Variants in CCL17 observed in about 807,000 individuals in gnomAD.
CCL17 encodes C-C motif chemokine ligand 17.
Under a neutral mutation model 7.4 loss-of-function variants are expected in CCL17, and 8 were observed. That is an observed-to-expected ratio of 1.09 (90% CI 0.64 to 1.96). The LOEUF is 1.96. CCL17 is among the 30% of genes most tolerant of loss of function. CCL17 has a pLI of 0.00. For missense variants in CCL17, 102 were observed against 113.0 expected, an observed-to-expected ratio of 0.90 and a Z score of 0.44; for synonymous variants, 40 against 46.1, an observed-to-expected ratio of 0.87 and a Z score of 0.54.
At chr16:57,397,133 C>A in the CCL17 span, among the ~76,000 whole-genome samples, 1 of 152,242 alleles carries the variant, frequency 6.6e-6, no homozygotes, top group African/African-American at 2.4e-5. Flanking sequence ...AACTGCCAGT[C>A]CTCTCTGGGA....
At chr16:57,405,580 C>A (rs1314758239) in intron 1 of CCL17, among the ~76,000 whole-genome samples, 1 of 152,152 alleles carries the variant, frequency 6.6e-6, no homozygotes, top group African/African-American at 2.4e-5. Context: ...TGCTTCCCAG[C>A]AGCTCACAGG....
rs1372318113 is a variant in CCL17, at chr16:57,415,321, C to CT, written c.188+124dup. ...ACAGCGGGGCCTTCCTCCCCAACCC[C>CT]TGCAGGCTCCCCACACTGTGGGACC... On this transcript the variant is annotated intron_variant, in intron 3 of 3. Coordinates refer to ENST00000219244, the MANE Select transcript of CCL17 (RefSeq NM_002987.3). The surrounding 1 kb of genome is among the most constrained non-coding windows in gnomAD (Gnocchi z 4.5). The CT allele has an allele frequency of 1.0e-5, 7 of 703,204 alleles. No homozygotes were observed. Among genetic ancestry groups the CT allele is most frequent in the Non-Finnish European group, 1.5e-5 (6 of 389,390 alleles). 43.6% of individuals were successfully genotyped at this position (703,204 alleles called of 1,614,324 possible). A position where few individuals can be genotyped will look rare whatever the true frequency, so the allele number is the denominator to read the frequency against.
chr16:57,400,434 G>T (rs1320006269), upstream of CCL17, among the ~76,000 whole-genome samples: 1 of 151,458 alleles, frequency 6.6e-6, no homozygotes, highest in African/African-American at 2.4e-5. Context: ...GAATGAGGGG[G>T]TCTGGTATCT....
Position 57,415,731 on chromosome 16 carries a change from CT to C in CCL17, c.189-33del, listed in dbSNP as rs753023967. ...AGGGACTCTGGGGGCCCTTCCCCCC[CT>C]GCCACTCCTGGTAACGTCCTCCTTC... On this transcript the variant is annotated intron_variant, in intron 3 of 3. Transcript: ENST00000219244. This position sits in a 1 kb window ranked among gnomAD's most constrained non-coding sequence, Gnocchi z 4.5. The C allele has an allele frequency of 6.1e-5, 87 of 1,427,374 alleles. No homozygotes were observed. The East Asian group carries it at 6.1e-4, about 10-fold the overall frequency. 88.4% of individuals were successfully genotyped at this position (1,427,374 alleles called of 1,614,324 possible).
chr16:57,412,473 T>C (rs60083595), intron 1 of CCL17, among the ~76,000 whole-genome samples: 206 of 152,342 alleles, frequency 1.4e-3, no homozygotes, highest in African/African-American at 4.8e-3. Context: ...CCCCAGAATC[T>C]AAAAACAAGA....
upstream of CCL17, among the ~76,000 whole-genome samples, chr16:57,403,658 A>AT (rs1423774043): frequency 7.9e-5 from 7 of 89,036 alleles, 1 homozygote; most frequent in Admixed American, 5.9e-4. Flanking sequence ...TATAATATAT[A>AT]TATATATATA....
At chr16:57,406,700 G>A (rs1902701489) in intron 1 of CCL17, among the ~76,000 whole-genome samples, 2 of 152,114 alleles carry the variant, frequency 1.3e-5, no homozygotes, top group African/African-American at 4.8e-5. Context: ...TGAGCCAGCT[G>A]GAGACTAGGA....
Position 57,408,264 on chromosome 16 carries a change from C to T in CCL17, c.-60+3428C>T, listed in dbSNP as rs1410494143. ...TCCGTCCATTCTTTCATCCACCTTC[C>T]AGCCACTCATCCATTCATCACTCAC... On this transcript the variant is annotated intron_variant, in intron 1 of 3. Coordinates refer to ENST00000219244, the MANE Select transcript of CCL17 (RefSeq NM_002987.3). 2.6e-5 allele frequency among the ~76,000 whole-genome samples: 4 copies of T among 151,928 alleles called. No homozygotes were observed. The East Asian group carries it at 5.8e-4, about 22-fold the overall frequency.
At chr16:57,398,684 C>T in the CCL17 span, among the ~76,000 whole-genome samples, 7 of 152,202 alleles carry the variant, frequency 4.6e-5, no homozygotes, top group African/African-American at 1.2e-4. Flanking sequence ...AAGATTAGGC[C>T]TAGATATTTG....
chr16:57,403,666 A>ATT (rs200655027), upstream of CCL17, among the ~76,000 whole-genome samples: 2,934 of 89,656 alleles, frequency 0.033, 144 homozygotes, highest in African/African-American at 0.057. Flanking sequence ...ATATATATAT[A>ATT]TATTTTTTGA....
chr16:57,414,245 C>T (rs1215183725), intron 2 of CCL17, among the ~76,000 whole-genome samples: 1 of 151,888 alleles, frequency 6.6e-6, no homozygotes, highest in South Asian at 2.1e-4. Context: ...ACATCTTGGG[C>T]TGCAATGGCC....
At chr16:57,412,441 A>G (rs1233769024) in intron 1 of CCL17, among the ~76,000 whole-genome samples, 3 of 152,238 alleles carry the variant, frequency 2.0e-5, no homozygotes, top group African/African-American at 7.2e-5. Flanking sequence ...ATGCTCCAGT[A>G]GTGTGGGGTT....
intron 2 of CCL17, 44 bp downstream of exon 2, chr16:57,414,046 CAG>C: frequency 6.5e-7 from 1 of 1,549,056 alleles, no homozygotes; most frequent in Non-Finnish European, 8.8e-7. Context: ...ACCGGGAGGA[CAG>C]GGGTTGGGGG....
At chr16:57,409,776 G>A (rs1902755171) in intron 1 of CCL17, among the ~76,000 whole-genome samples, 1 of 152,120 alleles carries the variant, frequency 6.6e-6, no homozygotes, top group Non-Finnish European at 1.5e-5. Flanking sequence ...CACATCAATG[G>A]GCACGTCAAG....
At chr16:57,401,842 G>GC (rs1352371775), upstream of CCL17, among the ~76,000 whole-genome samples, 1 of 152,106 alleles carries the variant, frequency 6.6e-6, no homozygotes, top group African/African-American at 2.4e-5. Flanking sequence ...GGCTGAAGCT[G>GC]CCCCCCGGGG....
chr16:57,413,146 G>A (rs1347063949), intron 1 of CCL17, among the ~76,000 whole-genome samples: 1 of 152,178 alleles, frequency 6.6e-6, no homozygotes, highest in African/African-American at 2.4e-5. Context: ...CTGTATCTTA[G>A]TGTAAGGCAT....
In CCL17 at chr16:57,415,741, T is replaced by C. The variant is rs576074217; in HGVS notation, c.189-24T>C. The C allele has an allele frequency of 3.3e-6, 5 of 1,524,878 alleles. No individual in the cohort carries two copies. The Admixed American group carries it at 5.0e-5, about 15-fold the overall frequency. The allele number at this position is 1,524,878 out of a possible 1,614,324, so 94.5% of individuals were successfully genotyped here. ...GGGGCCCTTCCCCCCCTGCCACTCC[T>C]GGTAACGTCCTCCTTCTGTGTAGTT... On this transcript the variant is annotated intron_variant, in intron 3 of 3. Coordinates refer to ENST00000219244, the MANE Select transcript of CCL17 (RefSeq NM_002987.3). The surrounding 1 kb of genome is among the most constrained non-coding windows in gnomAD (Gnocchi z 4.5).
At chr16:57,400,390 A>G (rs1902576335), upstream of CCL17, among the ~76,000 whole-genome samples, 1 of 151,996 alleles carries the variant, frequency 6.6e-6, no homozygotes. Context: ...AAAAGAAAAC[A>G]GGAACTAGAC....
In CCL17 at chr16:57,415,220, C is replaced by A. The variant is rs749058566; in HGVS notation, c.188+22C>A. ...TCGTGTAAGTCCCCCTGGCTCCACC[C>A]CTGCTCCTCAGGGCCAAGCATGGGG... On this transcript the variant is annotated intron_variant, in intron 3 of 3. Coordinates refer to ENST00000219244, the MANE Select transcript of CCL17 (RefSeq NM_002987.3). The surrounding 1 kb of genome is among the most constrained non-coding windows in gnomAD (Gnocchi z 4.5). 5 of 1,491,886 alleles carry A rather than the reference C, an allele frequency of 3.4e-6. No individual in the cohort carries two copies. The South Asian group carries it at 4.5e-5, about 13-fold the overall frequency. The allele number at this position is 1,491,886 out of a possible 1,614,324, so 92.4% of individuals were successfully genotyped here. A position where few individuals can be genotyped will look rare whatever the true frequency, so the allele number is the denominator to read the frequency against.
Sources: gnomAD v4.1 joint callset for allele counts (sites outside exome capture counted in the v4.1 genomes callset) on GRCh38, gnomAD v4.1.1 for gene constraint, Gnocchi (gnomAD v3.1) non-coding constraint, MANE v1.5 for transcripts, NCBI Gene and HGNC (gene_info 2026-07-23, HGNC 2026-07-21) for gene names.